TADA2A: variants seen among roughly 807,000 people sequenced by gnomAD.
The protein encoded by TADA2A is transcriptional adapter 2-alpha.
Under a neutral mutation model 67.4 loss-of-function variants are expected in TADA2A, and 38 were observed. That is an observed-to-expected ratio of 0.56 (90% CI 0.44 to 0.74). The LOEUF (loss-of-function observed/expected upper bound fraction) is 0.74, where lower values mean the gene tolerates loss of function less well. Ranked by LOEUF, TADA2A falls within the 30% of genes least tolerant of loss-of-function variation. TADA2A has a pLI of 0.00. For synonymous variants in TADA2A, 192 were observed against 181.6 expected (o/e 1.06, Z -0.46); for missense variants, 454 against 547.0 (o/e 0.83, Z 1.70).
chr17:37,438,031 T>TCCATGACTGAGCAGC (rs1022094509), intron 5 of TADA2A: 1 of 540,564 alleles, frequency 1.8e-6, no homozygotes, highest in Admixed American at 3.3e-5. Flanking sequence ...TGTTTAGCGG[T>TCCATGACTGAGCAGC]CCATGACTGA....
At chr17:37,419,155 C>T (rs1373131078) in intron 2 of TADA2A, among the ~76,000 whole-genome samples, 1 of 145,864 alleles carries the variant, frequency 6.9e-6, no homozygotes, top group Non-Finnish European at 1.5e-5. Context: ...TAAGAACTTA[C>T]TTTTACAAAG....
At chr17:37,431,783 C>T (rs2052576345) in intron 4 of TADA2A, among the ~76,000 whole-genome samples, 1 of 152,046 alleles carries the variant, frequency 6.6e-6, no homozygotes, top group Non-Finnish European at 1.5e-5. Flanking sequence ...CCAGGCTGGT[C>T]TTGAACTCCT....
chr17:37,467,572 C>T (rs770905549), intron 12 of TADA2A, 47 bp downstream of exon 12: 105 of 1,445,074 alleles, frequency 7.3e-5, no homozygotes, highest in Non-Finnish European at 9.8e-5. Flanking sequence ...AAGTATCTTC[C>T]AGACACACAG....
intron 12 of TADA2A, among the ~76,000 whole-genome samples, chr17:37,469,515 C>A (rs1045113975): frequency 6.6e-6 from 1 of 151,988 alleles, no homozygotes; most frequent in Non-Finnish European, 1.5e-5. Flanking sequence ...TGCCTGTAAT[C>A]CCAGCTACTC....
intron 1 of TADA2A, among the ~76,000 whole-genome samples, chr17:37,410,712 C>T (rs2051838694): frequency 1.3e-5 from 2 of 152,208 alleles, no homozygotes; most frequent in South Asian, 4.1e-4. Context: ...AATAACTAAG[C>T]TCCAACTGCC....
intron 7 of TADA2A, among the ~76,000 whole-genome samples, chr17:37,442,862 T>A (rs571653335): frequency 6.6e-6 from 1 of 152,124 alleles, no homozygotes; most frequent in Non-Finnish European, 1.5e-5. Context: ...AAAAATTCTT[T>A]AAACAAACAA....
At chr17:37,457,055 T>C (rs1225883733) in intron 8 of TADA2A, among the ~76,000 whole-genome samples, 1 of 152,106 alleles carries the variant, frequency 6.6e-6, no homozygotes, top group African/African-American at 2.4e-5. Context: ...CTCTAAACAG[T>C]TGCTGCTCCC....
intron 14 of TADA2A, 54 bp downstream of exon 14, chr17:37,471,191 G>T: frequency 1.3e-6 from 2 of 1,572,728 alleles, no homozygotes; most frequent in Non-Finnish European, 8.7e-7. Flanking sequence ...GCATCGTAGG[G>T]GTTATAGTGA....
chr17:37,418,397 A>G (rs2052118565), intron 2 of TADA2A, among the ~76,000 whole-genome samples: 1 of 152,256 alleles, frequency 6.6e-6, no homozygotes, highest in Middle Eastern at 3.4e-3. Flanking sequence ...TGTGGCAACA[A>G]AAAGGTACCT....
At chr17:37,414,597 T>C (rs369558725) in intron 2 of TADA2A, among the ~76,000 whole-genome samples, 1 of 152,216 alleles carries the variant, frequency 6.6e-6, no homozygotes, top group Non-Finnish European at 1.5e-5. Context: ...TATATGCCAG[T>C]ATACATACAC....
chr17:37,439,367 C>T (rs947448493), intron 5 of TADA2A, among the ~76,000 whole-genome samples: 8 of 152,152 alleles, frequency 5.3e-5, no homozygotes, highest in Non-Finnish European at 1.2e-4. Context: ...ATTTCAGCTT[C>T]AACCTTCCAG....
intron 2 of TADA2A, among the ~76,000 whole-genome samples, chr17:37,411,721 C>T (rs1466345615): frequency 2.0e-5 from 3 of 151,718 alleles, no homozygotes; most frequent in Non-Finnish European, 4.4e-5. Context: ...TGAGCCACCA[C>T]TCCCGGCCTT....
At chr17:37,441,380 T>G (rs756431799) in intron 6 of TADA2A, among the ~76,000 whole-genome samples, 8 of 152,044 alleles carry the variant, frequency 5.3e-5, no homozygotes, top group Non-Finnish European at 8.8e-5. Flanking sequence ...AGTATTTGAC[T>G]CATTATTATT....
intron 8 of TADA2A, among the ~76,000 whole-genome samples, chr17:37,453,823 T>C (rs1345512754): frequency 7.3e-6 from 1 of 137,850 alleles, no homozygotes; most frequent in African/African-American, 2.8e-5. Context: ...CAGGCTGGAG[T>C]GCAGTGGTGT....
chr17:37,467,234 C>T (rs948715408), intron 11 of TADA2A, among the ~76,000 whole-genome samples: 2 of 152,190 alleles, frequency 1.3e-5, no homozygotes. Flanking sequence ...ACAGTTCCAG[C>T]TGCTGCATCT....
At chr17:37,472,158 C>T (rs867478006) in intron 14 of TADA2A, among the ~76,000 whole-genome samples, 6 of 151,988 alleles carry the variant, frequency 3.9e-5, no homozygotes, top group African/African-American at 7.2e-5. Flanking sequence ...CTCTGCCTTC[C>T]GGATTCAAGC....
chr17:37,431,935 T>G (rs766802325), intron 4 of TADA2A, among the ~76,000 whole-genome samples: 8 of 152,168 alleles, frequency 5.3e-5, no homozygotes, highest in Non-Finnish European at 7.4e-5. Context: ...TCTTTCAGTA[T>G]TTCATTAGGT....
intron 10 of TADA2A, among the ~76,000 whole-genome samples, chr17:37,463,684 C>T (rs1397329524): frequency 2.6e-5 from 4 of 151,786 alleles, no homozygotes; most frequent in African/African-American, 9.7e-5. Context: ...GGGCCTCACT[C>T]CAGTTGTCCA....
At chr17:37,465,147 CA>C (rs112540084) in intron 10 of TADA2A, among the ~76,000 whole-genome samples, 176 of 133,098 alleles carry the variant, frequency 1.3e-3, no homozygotes, top group Non-Finnish European at 1.1e-3. Flanking sequence ...GACTCCATCT[CA>C]AAAAAAAAAA....
Sources: gnomAD v4.1 joint callset for allele counts (sites outside exome capture counted in the v4.1 genomes callset) on GRCh38, gnomAD v4.1.1 for gene constraint, MANE v1.5 for transcripts, NCBI Gene and HGNC (gene_info 2026-07-23, HGNC 2026-07-21) for gene names.